Variants in WDR62 observed in about 807,000 individuals in gnomAD.
The protein encoded by WDR62 is WD repeat domain 62, also known as WD repeat-containing protein 62.
In WDR62, 112 loss-of-function variants were observed where a neutral mutation model predicts 160.6. That is an observed-to-expected ratio of 0.70 (90% CI 0.60 to 0.82). WDR62 has a LOEUF of 0.82. WDR62 is among the 40% of genes least tolerant of loss of function. The pLI is 0.00. For missense variants in WDR62, 1,819 were observed against 1,983.8 expected, an observed-to-expected ratio of 0.92 and a Z score of 1.58; for synonymous variants, 792 against 815.1, an observed-to-expected ratio of 0.97 and a Z score of 0.48.
chr19:36,087,095 G>A (rs754644521), intron 13 of WDR62, among the ~76,000 whole-genome samples: 1 of 151,924 alleles, frequency 6.6e-6, no homozygotes, highest in Admixed American at 6.6e-5. Context: ...TTTGCTGGGC[G>A]GGGTGTTGTT....
In WDR62 at chr19:36,071,076, C is replaced by T. The variant is rs143281235; in HGVS notation, c.883-480C>T. ...AAAATTATCTGGGTGTGGTGGCGGC[C>T]GCCTATAATCCCAGCTACTCTGGAG... On this transcript the variant is annotated intron_variant, in intron 7 of 31. Coordinates refer to ENST00000401500, the MANE Select transcript of WDR62 (RefSeq NM_001083961.2). 9.5e-3 allele frequency: 1,621 copies of T among 169,794 alleles called. 29 individuals carry two copies. Among genetic ancestry groups the T allele is most frequent in the African/African-American group, 0.037 (1,555 of 41,678 alleles). The allele number at this position is 169,794 out of a possible 1,614,324, so 10.5% of individuals were successfully genotyped here.
intron 6 of WDR62, 29 bp downstream of exon 6, chr19:36,067,472 A>G (rs1568330202): frequency 5.0e-6 from 8 of 1,613,668 alleles, no homozygotes; most frequent in Non-Finnish European, 5.9e-6. Context: ...CCCTTTAGCC[A>G]GGCCCTGAGG....
At chr19:36,063,720 T>G (rs1409869746) in intron 3 of WDR62, among the ~76,000 whole-genome samples, 2 of 152,248 alleles carry the variant, frequency 1.3e-5, no homozygotes, top group African/African-American at 2.4e-5. Flanking sequence ...CTCCTATGAC[T>G]GGTGGTGTTC....
chr19:36,098,986 C>T (rs1973147519), intron 21 of WDR62, among the ~76,000 whole-genome samples: 1 of 152,104 alleles, frequency 6.6e-6, no homozygotes. Flanking sequence ...CTTTGGGAAG[C>T]CGAGGCGGGC....
chr19:36,104,586 C>G lies in WDR62; in HGVS notation c.4222C>G (p.Pro1408Ala). 1 of 1,613,892 alleles carries G rather than the reference C, an allele frequency of 6.2e-7. No homozygotes were observed. Among genetic ancestry groups the G allele is most frequent in the South Asian group, 1.1e-5 (1 of 91,070 alleles). The change falls in exon 31 of 32, where the codon CCC becomes GCC. Residue 1408 changes from proline to alanine, a missense_variant. Around this residue, in one of 3 missense-constraint regions of WDR62, gnomAD observed 770 missense variants for 734.2 expected, o/e 1.05. Transcript: ENST00000401500. ...GCCCTGGGTGCCGGTTGAAGCCCTG[C>G]CCCCATCTCCCCTTGAGCTGAGCAG... ...SEPWVPVEAL[P>A]PSPLELSRVG...
In WDR62 at chr19:36,099,439, C is replaced by T; in HGVS notation, c.2561C>T (p.Ala854Val). Reference protein sequence around the residue: ...DDVADGLAFHAKRSYQPHGRW... With the variant: ...DDVADGLAFHVKRSYQPHGRW... The stretch of plus-strand genomic sequence containing the variant: ...GTGGCAGATGGCTTGGCCTTCCACG[C>T]CAAGCGCAGCTACCAGCCCCACGGC... The change falls in exon 22 of 32, where the codon GCC (alanine) becomes GTC (valine). Residue 854 changes from alanine to valine, a missense_variant. Coordinates refer to ENST00000401500, the MANE Select transcript of WDR62 (RefSeq NM_001083961.2). 6.2e-7 allele frequency: 1 copy of T among 1,613,736 alleles called. No individual in the cohort carries two copies. The highest frequency in any genetic ancestry group is 8.5e-7 in the Non-Finnish European group (1 of 1,180,028).
intron 29 of WDR62, 44 bp from the exon 30 acceptor site, chr19:36,103,299 T>C (rs1973503430): frequency 1.2e-6 from 2 of 1,612,732 alleles, no homozygotes; most frequent in Non-Finnish European, 1.7e-6. Context: ...GCCCTAGCCA[T>C]CAGTTCTGTG....
intron 13 of WDR62, among the ~76,000 whole-genome samples, chr19:36,087,189 C>CA (rs1972290895): frequency 6.7e-6 from 1 of 148,614 alleles, no homozygotes; most frequent in Non-Finnish European, 1.5e-5. Flanking sequence ...GCCTAGGCAA[C>CA]AGAGTGAGAC....
intron 15 of WDR62, among the ~76,000 whole-genome samples, chr19:36,089,702 C>T (rs1472143939): frequency 1.3e-5 from 2 of 152,238 alleles, no homozygotes; most frequent in Non-Finnish European, 2.9e-5. Context: ...CCTCAGCCTC[C>T]CAAAGTGCTG....
At chr19:36,070,886 A>C (rs1971259465) in intron 7 of WDR62, 1 of 153,390 alleles carries the variant, frequency 6.5e-6, no homozygotes, top group Non-Finnish European at 1.5e-5. Flanking sequence ...GTCTTTATGA[A>C]GTTGTTTGTA....
rs201477546 is a variant in WDR62, at chr19:36,082,818, G to A, written c.1372-245G>A. ...TCCTGCTATCATATCTGAGTTCCAGGCTGCAGGATGGAGAAAAGACAGCAG... is the reference window on the plus strand; with the variant it reads ...TCCTGCTATCATATCTGAGTTCCAGACTGCAGGATGGAGAAAAGACAGCAG... On this transcript the variant is annotated intron_variant, in intron 10 of 31. Transcript: ENST00000401500. Among the ~76,000 whole-genome samples, 31 of 152,322 alleles carry A rather than the reference G, an allele frequency of 2.0e-4. No homozygotes were observed. The East Asian group carries it at 6.0e-3, about 29-fold the overall frequency.
chr19:36,098,563 CAA>C (rs753131216), intron 21 of WDR62, among the ~76,000 whole-genome samples: 21 of 98,662 alleles, frequency 2.1e-4, no homozygotes, highest in Admixed American at 5.4e-4. Flanking sequence ...GACTCCCTCT[CAA>C]AAAAAAAAAA....
chr19:36,073,909 G>A (rs1971435945), intron 9 of WDR62: 1 of 365,310 alleles, frequency 2.7e-6, no homozygotes, highest in Non-Finnish European at 5.4e-6. Flanking sequence ...CAACTGCTGG[G>A]GAGAACCACA....
chr19:36,063,013 C>T (rs1167094603), intron 3 of WDR62, among the ~76,000 whole-genome samples: 1 of 151,796 alleles, frequency 6.6e-6, no homozygotes, highest in Non-Finnish European at 1.5e-5. Context: ...GTGGTGGGAT[C>T]CTGGCTCACT....
In WDR62 at chr19:36,055,037, G is replaced by A. The variant is rs993562370; in HGVS notation, c.66G>A (p.Met22Ile). 2.3e-5 allele frequency: 36 copies of A among 1,597,908 alleles called. No individual in the cohort carries two copies. Among genetic ancestry groups the A allele is most frequent in the Non-Finnish European group, 2.8e-5 (33 of 1,173,558 alleles). Reference sequence around the variant, plus strand: ...CAGGGGAGAAGCTGCCCTCTGTCATGGCGGGAGTTCCGGCGCGGAGGGGCC... The same window carrying A: ...CAGGGGAGAAGCTGCCCTCTGTCATAGCGGGAGTTCCGGCGCGGAGGGGCC... Reference protein sequence around the residue: ...NDAGEKLPSVMAGVPARRGQS... With the variant: ...NDAGEKLPSVIAGVPARRGQS... The change falls in exon 1 of 32, where the codon ATG becomes ATA. Residue 22 changes from methionine (M) to isoleucine (I), a missense_variant. Met to Ile is a conservative substitution (Grantham distance 10). Coordinates refer to ENST00000401500, the MANE Select transcript of WDR62 (RefSeq NM_001083961.2).
intron 1 of WDR62, among the ~76,000 whole-genome samples, chr19:36,056,455 G>A (rs1337607609): frequency 6.6e-6 from 1 of 152,096 alleles, no homozygotes; most frequent in African/African-American, 2.4e-5. Flanking sequence ...CTTTGTGATT[G>A]GTGAGTCCTC....
chr19:36,087,665 A>C (rs1972329365), intron 13 of WDR62, among the ~76,000 whole-genome samples: 1 of 151,500 alleles, frequency 6.6e-6, no homozygotes, highest in East Asian at 1.9e-4. Flanking sequence ...AAAAATTCAA[A>C]AAAAGTAACC....
intron 5 of WDR62, 87 bp downstream of exon 5, chr19:36,066,514 C>T (rs574405051): frequency 5.1e-5 from 75 of 1,458,276 alleles, no homozygotes; most frequent in Middle Eastern, 1.8e-4. Context: ...CATGAGAGGA[C>T]GCAGTAAAGT....
At chr19:36,082,111 A>G (rs559801416) in intron 10 of WDR62, among the ~76,000 whole-genome samples, 1 of 152,258 alleles carries the variant, frequency 6.6e-6, no homozygotes, top group South Asian at 2.1e-4. Context: ...ATTAACGTCC[A>G]TGCCAGGTGC....
Sources: gnomAD v4.1 joint callset for allele counts (sites outside exome capture counted in the v4.1 genomes callset) on GRCh38, gnomAD v4.1.1 for gene constraint, gnomAD v4.1.1 regional missense constraint, MANE v1.5 for transcripts, NCBI Gene and HGNC (gene_info 2026-07-23, HGNC 2026-07-21) for gene names.